NEB: variants seen among roughly 807,000 people sequenced by gnomAD.
The protein encoded by NEB is nebulin, also known as nemaline myopathy type 2.
NEB carries 512 observed loss-of-function variants against 952.2 expected under a neutral mutation model. That is an observed-to-expected ratio of 0.54 (90% confidence interval 0.50 to 0.58). The LOEUF is 0.58. Among genes scored for constraint, NEB ranks in the 20% least tolerant of loss-of-function variants. NEB has a pLI of 0.00. For synonymous variants in NEB, 2,900 were observed against 3,149.8 expected, an observed-to-expected ratio of 0.92 and a Z score of 2.66; for missense variants, 8,428 against 9,231.1, an observed-to-expected ratio of 0.91 and a Z score of 3.56.
chr2:151,524,379 G>A lies in NEB; in HGVS notation c.22411C>T (p.His7471Tyr), dbSNP rs2084066462. The A allele has an allele frequency of 1.2e-6, 2 of 1,613,814 alleles. No individual in the cohort carries two copies. Among genetic ancestry groups the A allele is most frequent in the African/African-American group, 1.3e-5 (1 of 74,934 alleles). Residue 7471 changes from histidine to tyrosine, a missense_variant, in exon 153 of 182, where the codon CAT becomes TAT. Transcript: ENST00000397345. The part of the protein sequence containing the change: ...YRAKHRKEGS[H>Y]GLSMLGRPDI... ...GGGCGACCGAGCATGCTTAAGCCATGGCTGCCTTCCTTGCGGTGCTTGGCT... is the reference window on the plus strand; with the variant it reads ...GGGCGACCGAGCATGCTTAAGCCATAGCTGCCTTCCTTGCGGTGCTTGGCT...
chr2:151,553,632 C>T, intron 126 of NEB, 130 bp from the exon 127 acceptor site: 1 of 845,470 alleles, frequency 1.2e-6, no homozygotes, highest in Non-Finnish European at 1.9e-6. Flanking sequence ...TGCAAAGAGG[C>T]TCAGGGGAGC....
intron 146 of NEB, among the ~76,000 whole-genome samples, chr2:151,528,171 G>C (rs1392222487): frequency 6.6e-6 from 1 of 152,202 alleles, no homozygotes; most frequent in Non-Finnish European, 1.5e-5. Context: ...GGGCTTGCAT[G>C]CTTCCTAGAC....
At chr2:151,562,075 C>T in intron 121 of NEB, 35 bp downstream of exon 121, 1 of 1,527,736 alleles carries the variant, frequency 6.5e-7, no homozygotes. Flanking sequence ...TCTGATGACC[C>T]ATGGAGAACC....
chr2:151,656,067 G>T, intron 49 of NEB, 44 bp from the exon 50 acceptor site: 1 of 1,597,644 alleles, frequency 6.3e-7, no homozygotes, highest in Non-Finnish European at 8.6e-7. Context: ...TATCCATTTA[G>T]ACACAAACCA....
At position 151,609,930 on chromosome 2, in the gene NEB, G is replaced by A; in HGVS notation, c.12209C>T (p.Ala4070Val). Residue 4070 changes from alanine to valine, a missense_variant, in exon 81 of 182, where the codon GCC becomes GTC. This residue lies in a region of NEB where 337 missense variants were observed against 297.5 expected (regional missense o/e 1.13). Coordinates refer to ENST00000397345, the MANE Select transcript of NEB (RefSeq NM_001164508.2). ...AGTGACCAAAGTCTGACATTTCTTG[G>A]CCAGCAAGATGCTTAACATGTCCAC... ...SPVDMLSILL[A>V]KKCQTLVTDI... 6.2e-7 allele frequency: 1 copy of A among 1,613,918 alleles called. No homozygotes were observed. The highest frequency in any genetic ancestry group is 8.5e-7 in the Non-Finnish European group (1 of 1,179,850).
chr2:151,523,475 G>T (rs1384914901), intron 153 of NEB, among the ~76,000 whole-genome samples: 1 of 152,190 alleles, frequency 6.6e-6, no homozygotes, highest in East Asian at 1.9e-4. Context: ...ACAGATACCT[G>T]AGAGGACAAG....
rs983576410 is a variant in NEB, at chr2:151,533,597, A to G, written c.21313-51T>C. ...ACAAAAGAGACTTATGAAGACAGAA[A>G]AGAACACGGCTCTATATCCCAATCA... On this transcript the variant is annotated intron_variant, in intron 142 of 181. Coordinates refer to ENST00000397345, the MANE Select transcript of NEB (RefSeq NM_001164508.2). 6 of 1,203,310 alleles carry G rather than the reference A, an allele frequency of 5.0e-6. No homozygotes were observed. In the African/African-American group the frequency reaches 7.5e-5, roughly 15 times the overall value. 74.5% of individuals were successfully genotyped at this position (1,203,310 alleles called of 1,614,324 possible). A position where few individuals can be genotyped will look rare whatever the true frequency, so the allele number is the denominator to read the frequency against.
At chr2:151,619,382 C>A in intron 73 of NEB, 69 bp downstream of exon 73, 1 of 1,418,162 alleles carries the variant, frequency 7.1e-7, no homozygotes, top group Admixed American at 2.2e-5. Context: ...TTCATTGGCA[C>A]TAGTCAGAAC....
chr2:151,709,426 A>G (rs756840132), intron 12 of NEB, among the ~76,000 whole-genome samples: 6 of 152,196 alleles, frequency 3.9e-5, no homozygotes, highest in Non-Finnish European at 7.3e-5. Flanking sequence ...ATGCTCATAC[A>G]TGGCAAAACA....
In NEB at chr2:151,684,856, G is replaced by A. The variant is rs1200815450; in HGVS notation, c.2757C>T (p.His919=). 3 of 1,613,352 alleles carry A rather than the reference G, an allele frequency of 1.9e-6. No homozygotes were observed. Among genetic ancestry groups the A allele is most frequent in the Non-Finnish European group, 2.5e-6 (3 of 1,179,628 alleles). ...GGGGGTAGCTGTAACTGTGTAAGAT[G>A]TGCTTATAATCAACGTCGCTGGCAA... ...QAIASDVDYK[H]ILHSYSYPPD... The change falls in exon 28 of 182, where the codon CAC becomes CAT. Residue 919 remains histidine, a synonymous_variant. Coordinates refer to ENST00000397345, the MANE Select transcript of NEB (RefSeq NM_001164508.2).
At position 151,666,297 on chromosome 2, in the gene NEB, G is replaced by C; in HGVS notation, c.4824C>G (p.Ile1608Met). The change falls in exon 41 of 182, where the codon ATC becomes ATG. Residue 1608 changes from isoleucine to methionine, a missense_variant. Transcript: ENST00000397345. ...KLVHYMNVAK[I>M]QSDREYKKGY... Reference sequence around the variant, plus strand: ...CCTTTTTGTACTCACGATCAGACTGGATTTTGGCCACATTCATGTAGTGAA... The same window carrying C: ...CCTTTTTGTACTCACGATCAGACTGCATTTTGGCCACATTCATGTAGTGAA... The C allele has an allele frequency of 6.2e-7, 1 of 1,613,872 alleles. No homozygotes were observed. The highest frequency in any genetic ancestry group is 1.1e-5 in the South Asian group (1 of 91,072).
chr2:151,654,835 A>G (rs2099070785), intron 51 of NEB, among the ~76,000 whole-genome samples: 1 of 152,206 alleles, frequency 6.6e-6, no homozygotes, highest in Non-Finnish European at 1.5e-5. Flanking sequence ...AGTCTGTTTG[A>G]TGCAATTTTT....
chr2:151,625,417 C>T, intron 71 of NEB, 117 bp downstream of exon 71: 2 of 637,478 alleles, frequency 3.1e-6, no homozygotes, highest in Non-Finnish European at 2.5e-6. Flanking sequence ...GGGTAAATGG[C>T]ATAAAAAGCC....
intron 126 of NEB, 41 bp from the exon 127 acceptor site, chr2:151,553,543 A>G: frequency 7.2e-7 from 1 of 1,379,580 alleles, no homozygotes; most frequent in Non-Finnish European, 1.0e-6. Context: ...AAAAAAATTG[A>G]CCATAATAAC....
intron 23 of NEB, 129 bp from the exon 24 acceptor site, chr2:151,690,954 TTC>T: frequency 1.5e-6 from 1 of 672,028 alleles, no homozygotes; most frequent in South Asian, 1.7e-5. Flanking sequence ...TGCGTTTATA[TTC>T]TCACTTCTCT....
At chr2:151,726,478 A>G (rs1203378119) in intron 5 of NEB, among the ~76,000 whole-genome samples, 1 of 152,220 alleles carries the variant, frequency 6.6e-6, no homozygotes. Context: ...TTAGTCTTAT[A>G]TAATCCAATG....
intron 164 of NEB, chr2:151,505,909 G>A (rs114244531): frequency 0.018 from 10,199 of 558,776 alleles, 501 homozygotes; most frequent in East Asian, 0.13. Context: ...AGGAAGGTTG[G>A]TTCTTTGACT....
chr2:151,645,595 G>A (rs1043861743), intron 55 of NEB, among the ~76,000 whole-genome samples: 1 of 152,084 alleles, frequency 6.6e-6, no homozygotes, highest in Non-Finnish European at 1.5e-5. Context: ...GTCCTTCGTG[G>A]AACTACTTTA....
At position 151,553,835 on chromosome 2, in the gene NEB, A is replaced by G. The variant is rs374557429; in HGVS notation, c.19619T>C (p.Ile6540Thr). 6.2e-7 allele frequency: 1 copy of G among 1,611,370 alleles called. No individual in the cohort carries two copies. Among genetic ancestry groups the G allele is most frequent in the Non-Finnish European group, 8.5e-7 (1 of 1,178,502 alleles). Reference sequence around the variant, plus strand: ...CTTAAGTCACAGGCTTACATCGCTGATCTGATCTGTGACTTTCCTGACGTG... The same window carrying G: ...CTTAAGTCACAGGCTTACATCGCTGGTCTGATCTGTGACTTTCCTGACGTG... ...NDHVRKVTDQ[I>T]SDIVYKDDLN... The change falls in exon 126 of 182, where the codon ATC (isoleucine) becomes ACC (threonine). Residue 6540 changes from isoleucine to threonine, a missense_variant. By Grantham distance (89) the Ile-to-Thr change is moderately conservative. Coordinates refer to ENST00000397345, the MANE Select transcript of NEB (RefSeq NM_001164508.2).
Sources: allele counts gnomAD v4.1 joint callset (sites outside exome capture counted in the v4.1 genomes callset), GRCh38; gene constraint gnomAD v4.1.1; regional missense constraint gnomAD v4.1.1; transcripts MANE v1.5; gene names NCBI Gene and HGNC (gene_info 2026-07-23, HGNC 2026-07-21).